The following ZFYVE16 variants were observed in gnomAD, a reference collection of about 807,000 sequenced individuals.
ZFYVE16 encodes zinc finger FYVE-type containing 16, also known as zinc finger FYVE domain-containing protein 16.
Under a neutral mutation model 138.1 loss-of-function variants are expected in ZFYVE16, and 89 were observed. The ratio of observed to expected loss-of-function variants is 0.64; its 90% CI spans 0.54 to 0.77. The LOEUF is 0.77. ZFYVE16 is among the 30% of genes least tolerant of loss of function. The probability of loss-of-function intolerance (pLI) is 0.00; values close to 1 mark genes in which losing one functional copy is unlikely to be tolerated. For synonymous variants in ZFYVE16, 596 were observed against 618.3 expected (o/e 0.96, Z 0.53); for missense variants, 1,793 against 1,786.7 (o/e 1.00, Z -0.06).
chr5:80,443,815 G>A, intron 6 of ZFYVE16: 3 of 456,198 alleles, frequency 6.6e-6, no homozygotes, highest in South Asian at 4.6e-5. Context: ...GGAAAAAGCT[G>A]ACCAAAGCCA....
At chr5:80,434,075 TAAATG>T in intron 2 of ZFYVE16, 29 bp from the exon 3 acceptor site, 1 of 1,389,852 alleles carries the variant, frequency 7.2e-7, no homozygotes, top group Admixed American at 1.9e-5. Flanking sequence ...GTTATGTAAT[TAAATG>T]AAATATTATT....
chr5:80,413,317 C>G lies in ZFYVE16; in HGVS notation c.-94+5164C>G, dbSNP rs149072413. Among the ~76,000 whole-genome samples, 1,409 of 151,278 alleles carry G rather than the reference C, an allele frequency of 9.3e-3. 30 individuals are homozygous for G. The highest frequency in any genetic ancestry group is 0.032 in the African/African-American group (1,340 of 41,252). ...AGAAACCCCATCTCTACTAAAAATA[C>G]AAAATTAGCCAGGCATGGTGGCGCA... On this transcript the variant is annotated intron_variant, in intron 1 of 18. Transcript: ENST00000505560.
intron 6 of ZFYVE16, 49 bp from the exon 7 acceptor site, chr5:80,445,214 A>T: frequency 6.3e-7 from 1 of 1,587,112 alleles, no homozygotes; most frequent in Admixed American, 1.8e-5. Context: ...GCATTAAATC[A>T]TTGCCATATT....
intron 11 of ZFYVE16, chr5:80,454,938 T>C (rs1226766017): frequency 6.6e-6 from 1 of 152,246 alleles, no homozygotes; most frequent in African/African-American, 2.4e-5. Flanking sequence ...CTCTTTAAAT[T>C]ATCAGAAACC....
chr5:80,425,475 G>A (rs186863039), intron 1 of ZFYVE16, among the ~76,000 whole-genome samples: 1 of 152,312 alleles, frequency 6.6e-6, no homozygotes, highest in African/African-American at 2.4e-5. Context: ...TAGCCAAACA[G>A]ATGTGTTTAA....
At chr5:80,456,714 G>T in intron 13 of ZFYVE16, 149 bp downstream of exon 13, 1 of 880,948 alleles carries the variant, frequency 1.1e-6, no homozygotes, top group African/African-American at 1.7e-5. Context: ...TTTGTTTACT[G>T]TAAATAATCT....
intron 1 of ZFYVE16, among the ~76,000 whole-genome samples, chr5:80,415,386 C>T (rs1450563660): frequency 3.9e-5 from 6 of 152,050 alleles, no homozygotes; most frequent in South Asian, 2.1e-4. Flanking sequence ...CTCATTTTTC[C>T]TCTAATATGC....
rs1464190097 is a variant in ZFYVE16, at chr5:80,436,875, A to G, written c.190A>G (p.Asn64Asp). Residue 64 changes from asparagine to aspartate, a missense_variant, in exon 4 of 19, where the codon AAT (asparagine) becomes GAT (aspartate). Physicochemically the swap from Asn to Asp is conservative, Grantham distance 23. Around this residue, in one of 2 missense-constraint regions of ZFYVE16, gnomAD observed 1,295 missense variants for 1,204.3 expected, o/e 1.08. Coordinates refer to ENST00000505560, the MANE Select transcript of ZFYVE16 (RefSeq NM_001284236.3). ...SLLPKDQECVNSCASSETSYG... is the reference protein window; with the variant it reads ...SLLPKDQECVDSCASSETSYG... ...GCTCCCAAAAGACCAAGAGTGCGTT[A>G]ATAGTTGTGCCTCATCAGAAACAAG... The G allele has an allele frequency of 5.0e-6, 8 of 1,614,180 alleles. No individual in the cohort carries two copies. The South Asian group carries it at 8.8e-5, about 18-fold the overall frequency.
At chr5:80,465,599 G>A (rs1203112313) in intron 15 of ZFYVE16, among the ~76,000 whole-genome samples, 1 of 151,288 alleles carries the variant, frequency 6.6e-6, no homozygotes, top group Non-Finnish European at 1.5e-5. Flanking sequence ...TGTAGAGACA[G>A]GGTCTCACTG....
intron 14 of ZFYVE16, among the ~76,000 whole-genome samples, 195 bp downstream of exon 14, chr5:80,457,287 T>C (rs1752619533): frequency 6.6e-6 from 1 of 152,240 alleles, no homozygotes; most frequent in Admixed American, 6.5e-5. Context: ...TACTTTAGGC[T>C]TACAGACTTG....
Position 80,473,863 on chromosome 5 carries a change from A to G in ZFYVE16, c.4293+4A>G, listed in dbSNP as rs189801146. The stretch of plus-strand genomic sequence containing the variant: ...GAAGATTGTAAAATGTACCGAGGTA[A>G]CTAAGAAAGAAGGTCCCTTTACATG... On this transcript the variant is annotated splice_donor_region_variant and intron_variant, in intron 17 of 18. Coordinates refer to ENST00000505560, the MANE Select transcript of ZFYVE16 (RefSeq NM_001284236.3). The G allele has an allele frequency of 1.2e-5, 20 of 1,607,612 alleles. No homozygotes were observed. In the East Asian group the frequency reaches 3.4e-4, roughly 27 times the overall value.
chr5:80,426,001 T>C (rs1747934865), intron 1 of ZFYVE16, among the ~76,000 whole-genome samples: 1 of 152,184 alleles, frequency 6.6e-6, no homozygotes, highest in African/African-American at 2.4e-5. Context: ...TAAAGAACTT[T>C]TCATCAGTAA....
chr5:80,417,397 AG>A (rs1746414823), intron 1 of ZFYVE16, among the ~76,000 whole-genome samples: 1 of 152,078 alleles, frequency 6.6e-6, no homozygotes, highest in Non-Finnish European at 1.5e-5. Flanking sequence ...TTGCATGTTG[AG>A]GTTTATTCTT....
intron 2 of ZFYVE16, among the ~76,000 whole-genome samples, chr5:80,429,781 A>G (rs1748711898): frequency 6.6e-6 from 1 of 152,204 alleles, no homozygotes; most frequent in Non-Finnish European, 1.5e-5. Context: ...TAAAAAAGGC[A>G]GGGGTTGAAT....
intron 2 of ZFYVE16, among the ~76,000 whole-genome samples, chr5:80,429,266 A>C (rs1015126568): frequency 6.6e-6 from 1 of 152,370 alleles, no homozygotes; most frequent in Non-Finnish European, 1.5e-5. Flanking sequence ...CTCAGCAGAA[A>C]CTCTACAAGC....
rs891407185 is a variant in ZFYVE16 at position 80,478,594 on chromosome 5, A to AT, written c.*1218dup. On this transcript the variant is annotated 3_prime_UTR_variant, in exon 19 of 19. Coordinates refer to ENST00000505560, the MANE Select transcript of ZFYVE16 (RefSeq NM_001284236.3). ...TGCTTTAAACATTCTCATGTGTAAT[A>AT]TATGTTTTTGTATCAAAAACACTCA... 1 of 152,138 alleles carries AT rather than the reference A, an allele frequency of 6.6e-6. No individual in the cohort carries two copies. Among genetic ancestry groups the AT allele is most frequent in the African/African-American group, 2.4e-5 (1 of 41,462 alleles). The allele number at this position is 152,138 out of a possible 1,614,324, so 9.4% of individuals were successfully genotyped here.
chr5:80,442,823 G>T (rs1302432337), intron 5 of ZFYVE16, among the ~76,000 whole-genome samples: 2 of 152,144 alleles, frequency 1.3e-5, no homozygotes, highest in Non-Finnish European at 2.9e-5. Context: ...GACTCTAGGG[G>T]TACAAGGGCA....
At chr5:80,409,431 T>C (rs1047960721) in intron 1 of ZFYVE16, among the ~76,000 whole-genome samples, 5 of 152,192 alleles carry the variant, frequency 3.3e-5, no homozygotes, top group Non-Finnish European at 5.9e-5. Context: ...CAATAGAGTT[T>C]TTGGTTCCTA....
intron 9 of ZFYVE16, 66 bp from the exon 10 acceptor site, chr5:80,450,365 C>T (rs1400554451): frequency 8.0e-6 from 12 of 1,508,842 alleles, no homozygotes; most frequent in Admixed American, 1.9e-5. Context: ...AATGCAAAAA[C>T]AATTGTTCTT....
Sources: gnomAD v4.1 joint callset for allele counts (sites outside exome capture counted in the v4.1 genomes callset) on GRCh38, gnomAD v4.1.1 for gene constraint, gnomAD v4.1.1 regional missense constraint, MANE v1.5 for transcripts, NCBI Gene and HGNC (gene_info 2026-07-23, HGNC 2026-07-21) for gene names.